SIL1: variants seen among roughly 807,000 people sequenced by gnomAD.
SIL1 encodes the protein nucleotide exchange factor SIL1.
SIL1 carries 40 observed loss-of-function variants against 49.1 expected under a neutral mutation model. The observed-to-expected ratio is 0.81, with a 90% CI of 0.63 to 1.06. SIL1 has a LOEUF of 1.06. Among genes scored for constraint, SIL1 ranks in the 50% least tolerant of loss-of-function variants. SIL1 has a pLI of 0.00. For missense variants in SIL1, 500 were observed against 572.6 expected, an observed-to-expected ratio of 0.87 and a Z score of 1.29; for synonymous variants, 253 against 250.8, an observed-to-expected ratio of 1.01 and a Z score of -0.08.
chr5:139,102,266 A>T (rs1224921346), intron 3 of SIL1, among the ~76,000 whole-genome samples: 1 of 152,188 alleles, frequency 6.6e-6, no homozygotes, highest in Non-Finnish European at 1.5e-5. Flanking sequence ...TCTAACTTTC[A>T]GTCTCCATTT....
intron 1 of SIL1, among the ~76,000 whole-genome samples, chr5:139,148,731 TACA>T (rs1410831441): frequency 1.3e-5 from 2 of 152,206 alleles, no homozygotes; most frequent in African/African-American, 4.8e-5. Context: ...GCCTCACTCT[TACA>T]ACAAGGGCCC....
At chr5:139,127,706 A>G (rs760896339) in intron 2 of SIL1, 33 bp downstream of exon 2, 1 of 1,563,132 alleles carries the variant, frequency 6.4e-7, no homozygotes, top group Non-Finnish European at 8.7e-7. Flanking sequence ...GACCTCATCA[A>G]GGGTCCCTCC....
rs369525175 is a variant in SIL1, at chr5:139,098,285, T to C, written c.244+22750A>G. Among the ~76,000 whole-genome samples, 357 of 152,116 alleles carry C rather than the reference T, an allele frequency of 2.3e-3. 1 individual carries two copies. The highest frequency in any genetic ancestry group is 8.0e-3 in the African/African-American group (334 of 41,494). ...AAAGAAGAGAGAACCCAGAAACAAA[T>C]GCACATACCTACAGTAAACTCATTT... On this transcript the variant is annotated intron_variant, in intron 3 of 9. Coordinates refer to ENST00000394817, the MANE Select transcript of SIL1 (RefSeq NM_022464.5).
intron 1 of SIL1, among the ~76,000 whole-genome samples, chr5:139,187,354 T>G (rs1581159907): frequency 6.6e-6 from 1 of 152,010 alleles, no homozygotes; most frequent in Non-Finnish European, 1.5e-5. Flanking sequence ...CCGTCTCTAC[T>G]AAAATTACAA....
At chr5:138,976,059 G>A (rs988367187) in intron 7 of SIL1, among the ~76,000 whole-genome samples, 19 of 152,172 alleles carry the variant, frequency 1.2e-4, no homozygotes, top group African/African-American at 4.3e-4. Context: ...ACCAAACCTG[G>A]TGTCAGGGCC....
chr5:139,129,956 T>C (rs1295018635), intron 1 of SIL1, among the ~76,000 whole-genome samples: 1 of 152,196 alleles, frequency 6.6e-6, no homozygotes, highest in Non-Finnish European at 1.5e-5. Context: ...GGAGAAAATA[T>C]TTGTAAATCA....
chr5:138,989,885 T>A (rs756724869), intron 7 of SIL1, among the ~76,000 whole-genome samples: 1 of 152,186 alleles, frequency 6.6e-6, no homozygotes, highest in Admixed American at 6.5e-5. Context: ...TTCTGACTCA[T>A]CTTCTCATTC....
chr5:138,972,395 C>T (rs925895576), intron 7 of SIL1, among the ~76,000 whole-genome samples: 27 of 152,224 alleles, frequency 1.8e-4, no homozygotes, highest in African/African-American at 6.3e-4. Context: ...TCTGGTTCAA[C>T]GCAGCCATGC....
rs150637825 is a variant in SIL1, at chr5:139,097,241, G to A, written c.244+23794C>T. 4.3e-3 allele frequency among the ~76,000 whole-genome samples: 651 copies of A among 152,022 alleles called. 3 individuals are homozygous for A. The highest frequency in any genetic ancestry group is 0.015 in the African/African-American group (606 of 41,498). ...GGCGGCACCTCTAGAGCGAGGTGCC[G>A]TCTGGGAATGATGTCCCACATAGCA... On this transcript the variant is annotated intron_variant, in intron 3 of 9. Coordinates refer to ENST00000394817, the MANE Select transcript of SIL1 (RefSeq NM_022464.5).
At chr5:139,104,588 C>CT (rs1770660750) in intron 3 of SIL1, among the ~76,000 whole-genome samples, 1 of 152,246 alleles carries the variant, frequency 6.6e-6, no homozygotes. Flanking sequence ...CAGTAACTCA[C>CT]TTTCAACAGT....
chr5:138,971,607 G>A (rs973983400), intron 7 of SIL1, among the ~76,000 whole-genome samples: 4 of 152,126 alleles, frequency 2.6e-5, no homozygotes, highest in African/African-American at 9.7e-5. Flanking sequence ...CACCTTTGAC[G>A]GGGGTCAAGA....
chr5:138,977,963 A>G (rs1767428088), intron 7 of SIL1, among the ~76,000 whole-genome samples: 1 of 152,228 alleles, frequency 6.6e-6, no homozygotes. Context: ...TGAGGCCAGA[A>G]TGACATCTCT....
chr5:139,173,909 A>C (rs1751828007), intron 1 of SIL1, among the ~76,000 whole-genome samples: 2 of 151,212 alleles, frequency 1.3e-5, no homozygotes, highest in African/African-American at 4.9e-5. Context: ...CAGTGAGCTG[A>C]GATTGCACCA....
At chr5:138,968,592 A>G (rs1767204202) in intron 7 of SIL1, among the ~76,000 whole-genome samples, 1 of 152,134 alleles carries the variant, frequency 6.6e-6, no homozygotes, top group South Asian at 2.1e-4. Context: ...CCTGCTATGC[A>G]TTCCTGGGGC....
In SIL1 at chr5:139,170,708, C is replaced by T. The variant is rs1454229395; in HGVS notation, c.-11+27561G>A. 1.1e-4 allele frequency among the ~76,000 whole-genome samples: 17 copies of T among 151,862 alleles called. No homozygotes were observed. The East Asian group carries it at 3.4e-3, about 30-fold the overall frequency. On this transcript the variant is annotated intron_variant, in intron 1 of 9. Transcript: ENST00000394817. Reference sequence around the variant, plus strand: ...TCTGAGAAGTGAGGAGCCCCTCCGCCCGGCAGCCACCCCGTCTGGGAAGTG... The same window carrying T: ...TCTGAGAAGTGAGGAGCCCCTCCGCTCGGCAGCCACCCCGTCTGGGAAGTG...
intron 7 of SIL1, among the ~76,000 whole-genome samples, chr5:138,974,796 G>A (rs1248939026): frequency 6.6e-6 from 1 of 152,204 alleles, no homozygotes; most frequent in Non-Finnish European, 1.5e-5. Flanking sequence ...TTTAGTGACA[G>A]CTCTTGCTGT....
intron 3 of SIL1, among the ~76,000 whole-genome samples, chr5:139,054,723 G>A (rs1581062731): frequency 6.6e-6 from 1 of 152,240 alleles, no homozygotes; most frequent in South Asian, 2.1e-4. Context: ...GAAGAGACTA[G>A]GTTCTTATGT....
intron 1 of SIL1, among the ~76,000 whole-genome samples, chr5:139,165,813 C>A (rs1751606628): frequency 6.6e-6 from 1 of 151,762 alleles, no homozygotes; most frequent in South Asian, 2.1e-4. Flanking sequence ...ACATGCCCAC[C>A]ATGCCCGGCT....
chr5:139,063,193 T>A (rs188775614), intron 3 of SIL1, among the ~76,000 whole-genome samples: 45 of 152,338 alleles, frequency 3.0e-4, no homozygotes, highest in African/African-American at 8.7e-4. Flanking sequence ...AGGATGATAG[T>A]ATTTTGACCA....
Sources: gnomAD v4.1 joint callset for allele counts (sites outside exome capture counted in the v4.1 genomes callset) on GRCh38, gnomAD v4.1.1 for gene constraint, MANE v1.5 for transcripts, NCBI Gene and HGNC (gene_info 2026-07-23, HGNC 2026-07-21) for gene names.